Variants in PCDHA3 observed in about 807,000 individuals in gnomAD.
PCDHA3 encodes the protein protocadherin alpha-3.
In PCDHA3, 41 loss-of-function variants were observed where a neutral mutation model predicts 62.2. The observed-to-expected ratio is 0.66, with a 90% confidence interval of 0.51 to 0.86. The LOEUF is 0.86. PCDHA3 is among the 40% of genes least tolerant of loss of function. The pLI is 0.00. For missense variants in PCDHA3, 1,304 were observed against 1,241.2 expected (o/e 1.05, Z -0.76); for synonymous variants, 640 against 555.4 (o/e 1.15, Z -2.14).
At position 140,927,139 on chromosome 5, in the gene PCDHA3, C is replaced by G. The variant is rs782726149; in HGVS notation, c.2395-51810C>G. 6 of 1,613,928 alleles carry G rather than the reference C, an allele frequency of 3.7e-6. No homozygotes were observed. The Admixed American group carries it at 5.0e-5, about 13-fold the overall frequency. On this transcript the variant is annotated intron_variant, in intron 1 of 3. Coordinates refer to ENST00000522353, the MANE Select transcript of PCDHA3 (RefSeq NM_018906.3). Reference sequence around the variant, plus strand: ...TTTGGTGGTCAGAGAGCCGGCGGACCGCGAACAGCTGTGCAGGGCCAAAGC... The same window carrying G: ...TTTGGTGGTCAGAGAGCCGGCGGACGGCGAACAGCTGTGCAGGGCCAAAGC...
intron 1 of PCDHA3, chr5:140,857,477 T>A (rs1562523780): frequency 1.3e-6 from 2 of 1,598,544 alleles, no homozygotes; most frequent in Admixed American, 1.7e-5. Context: ...CTTCACGGTG[T>A]CTGCGTGGGA....
At chr5:140,997,897 A>C (rs13175095) in intron 3 of PCDHA3, among the ~76,000 whole-genome samples, 9,880 of 152,266 alleles carry the variant, frequency 0.065, 363 homozygotes, top group East Asian at 0.12. Flanking sequence ...GATAAATTTC[A>C]AGAAGTAGAA....
At chr5:140,936,080 A>C (rs1252008478) in intron 1 of PCDHA3, among the ~76,000 whole-genome samples, 2 of 152,004 alleles carry the variant, frequency 1.3e-5, no homozygotes, top group African/African-American at 4.8e-5. Flanking sequence ...TTTAGTAGAG[A>C]CAGGGTTTCA....
At chr5:140,884,293 G>A in intron 1 of PCDHA3, 2 of 1,613,666 alleles carry the variant, frequency 1.2e-6, no homozygotes, top group Non-Finnish European at 1.7e-6. Flanking sequence ...GCGGCCAAGC[G>A]CCACAGGCTT....
intron 1 of PCDHA3, among the ~76,000 whole-genome samples, chr5:140,916,610 A>G (rs1002556327): frequency 6.6e-6 from 1 of 152,196 alleles, no homozygotes; most frequent in Non-Finnish European, 1.5e-5. Flanking sequence ...TGCGGGCCTC[A>G]TGACTCTACT....
intron 1 of PCDHA3, chr5:140,877,772 C>T (rs372461540): frequency 9.3e-6 from 15 of 1,614,150 alleles, no homozygotes; most frequent in Non-Finnish European, 1.2e-5. Context: ...CCGCCCAAGA[C>T]GGACCTCATG....
At chr5:140,876,360 T>C in intron 1 of PCDHA3, 1 of 1,613,962 alleles carries the variant, frequency 6.2e-7, no homozygotes, top group Non-Finnish European at 8.5e-7. Context: ...TTTCAATAAA[T>C]CCAGACACAG....
chr5:140,899,609 A>G (rs898089235), intron 1 of PCDHA3, among the ~76,000 whole-genome samples: 12 of 152,104 alleles, frequency 7.9e-5, no homozygotes, highest in Non-Finnish European at 1.6e-4. Context: ...CTTTTGCATC[A>G]ATGTTCATCA....
intron 1 of PCDHA3, chr5:140,870,979 T>C: frequency 6.2e-7 from 1 of 1,613,556 alleles, no homozygotes; most frequent in Non-Finnish European, 8.5e-7. Flanking sequence ...CGTGGGGCTG[T>C]ACACGGGCGA....
At chr5:140,941,048 T>C (rs1157859382) in intron 1 of PCDHA3, among the ~76,000 whole-genome samples, 1 of 152,138 alleles carries the variant, frequency 6.6e-6, no homozygotes, top group African/African-American at 2.4e-5. Context: ...CAAGTCAAAT[T>C]CCCCAGCAGT....
chr5:140,888,980 G>A (rs1429569959), intron 1 of PCDHA3, among the ~76,000 whole-genome samples: 2 of 152,022 alleles, frequency 1.3e-5, no homozygotes, highest in Non-Finnish European at 2.9e-5. Context: ...TTGAATTTAT[G>A]ATTTATGATT....
At chr5:140,840,995 T>C (rs1776967728) in intron 1 of PCDHA3, among the ~76,000 whole-genome samples, 1 of 152,016 alleles carries the variant, frequency 6.6e-6, no homozygotes. Context: ...CTGAAACTAA[T>C]GTAAGGAGCC....
chr5:140,814,169 A>T (rs1460326718), intron 1 of PCDHA3: 1 of 152,170 alleles, frequency 6.6e-6, no homozygotes, highest in African/African-American at 2.4e-5. Flanking sequence ...TTATTTTACA[A>T]GTTTTTTTGA....
chr5:140,939,466 AT>A (rs1364092543), intron 1 of PCDHA3, among the ~76,000 whole-genome samples: 31 of 152,168 alleles, frequency 2.0e-4, no homozygotes, highest in African/African-American at 7.5e-4. Flanking sequence ...TAGGCCTAGA[AT>A]TCTCTTCATG....
At chr5:140,812,287 T>G (rs1262930138) in intron 1 of PCDHA3, 2 of 152,076 alleles carry the variant, frequency 1.3e-5, no homozygotes, top group Non-Finnish European at 2.9e-5. Flanking sequence ...GGTTATTGAA[T>G]TTTTTGGTAT....
chr5:140,842,193 A>G, intron 1 of PCDHA3: 1 of 1,613,816 alleles, frequency 6.2e-7, no homozygotes, highest in Non-Finnish European at 8.5e-7. Context: ...ATGGTTATTG[A>G]CCACTTTAGC....
intron 1 of PCDHA3, chr5:140,828,035 G>A: frequency 3.3e-6 from 5 of 1,537,082 alleles, no homozygotes; most frequent in Non-Finnish European, 4.4e-6. Context: ...GGAACATACA[G>A]TATTTTATCT....
chr5:140,929,694 A>G, intron 1 of PCDHA3: 1 of 270,028 alleles, frequency 3.7e-6, no homozygotes, highest in Non-Finnish European at 7.3e-6. Flanking sequence ...AGTCTGCTTT[A>G]TATGAATATA....
chr5:141,001,245 C>G (rs1554258043), intron 3 of PCDHA3, among the ~76,000 whole-genome samples: 2 of 152,082 alleles, frequency 1.3e-5, no homozygotes, highest in Non-Finnish European at 2.9e-5. Context: ...TAAATCAACC[C>G]TATGGGGCGG....
Sources: gnomAD v4.1 joint callset for allele counts (sites outside exome capture counted in the v4.1 genomes callset) on GRCh38, gnomAD v4.1.1 for gene constraint, MANE v1.5 for transcripts, NCBI Gene and HGNC (gene_info 2026-07-23, HGNC 2026-07-21) for gene names.